Variants in ARHGEF9 observed in about 807,000 individuals in gnomAD.
The protein encoded by ARHGEF9 is rho guanine nucleotide exchange factor 9.
In ARHGEF9, 2 loss-of-function variants were observed where a neutral mutation model predicts 41.3. That is an observed-to-expected ratio of 0.05 (90% confidence interval 0.02 to 0.15). The LOEUF is 0.15. ARHGEF9 is among the 10% of genes least tolerant of loss of function. The pLI is 1.00. For missense variants in ARHGEF9, 225 were observed against 424.7 expected (o/e 0.53, Z 4.13); for synonymous variants, 160 against 154.4 (o/e 1.04, Z -0.27).
chrX:63,643,925 G>A, intron 9 of ARHGEF9, 55 bp downstream of exon 9: 1 of 1,135,163 alleles, frequency 8.8e-7, no homozygotes, highest in South Asian at 1.8e-5. Context: ...GAATATGTAA[G>A]CATATAGCTT....
intron 8 of ARHGEF9, among the ~76,000 whole-genome samples, chrX:63,644,608 T>C (rs1206097708): frequency 2.7e-5 from 3 of 110,126 alleles, no homozygotes; most frequent in Non-Finnish European, 3.8e-5. Context: ...CATCTACATA[T>C]TGACTAGTAT....
intron 2 of ARHGEF9, chrX:63,723,015 C>T (rs1189587088): frequency 1.8e-5 from 2 of 111,738 alleles, no homozygotes; most frequent in African/African-American, 3.3e-5. Context: ...ACTGTCCCAA[C>T]CAGGTAACAA....
At chrX:63,753,678 C>T (rs1295862256) in intron 1 of ARHGEF9, among the ~76,000 whole-genome samples, 1 of 110,901 alleles carries the variant, frequency 9.0e-6, no homozygotes, top group Non-Finnish European at 1.9e-5. Context: ...AATGCTTTCA[C>T]ATACTATTTC....
intron 1 of ARHGEF9, chrX:63,755,281 G>A (rs1214057652): frequency 3.3e-6 from 3 of 904,477 alleles, no homozygotes; most frequent in African/African-American, 4.1e-5. Flanking sequence ...CGTGCTAGCC[G>A]CGACCGCCAA....
chrX:63,755,330 A>C (rs2055894383), intron 1 of ARHGEF9: 6 of 710,016 alleles, frequency 8.5e-6, no homozygotes, highest in Non-Finnish European at 1.1e-5. Flanking sequence ...CGCTCTCCCC[A>C]GACCGGCGAG....
intron 1 of ARHGEF9, among the ~76,000 whole-genome samples, chrX:63,770,919 T>C (rs1556454422): frequency 8.9e-6 from 1 of 112,589 alleles, no homozygotes; most frequent in African/African-American, 3.2e-5. Context: ...CCTCTTTCTT[T>C]TGCAAATTGC....
intron 1 of ARHGEF9, among the ~76,000 whole-genome samples, chrX:63,761,420 A>T (rs1425083818): frequency 8.9e-6 from 1 of 112,125 alleles, no homozygotes; most frequent in Non-Finnish European, 1.9e-5. Context: ...CTTAGCACTC[A>T]ATAAATATAT....
intron 1 of ARHGEF9, among the ~76,000 whole-genome samples, chrX:63,783,714 G>A (rs782100882): frequency 8.9e-6 from 1 of 111,776 alleles, no homozygotes; most frequent in Non-Finnish European, 1.9e-5. Flanking sequence ...GCTAGACTCA[G>A]CTTTGCCTCC....
chrX:63,718,585 T>C (rs2053461145), intron 2 of ARHGEF9, among the ~76,000 whole-genome samples: 1 of 111,634 alleles, frequency 9.0e-6, no homozygotes, highest in South Asian at 3.8e-4. Flanking sequence ...AAATCCATGC[T>C]ATGGGTCAAC....
chrX:63,651,918 T>C (rs1371450001), intron 8 of ARHGEF9, among the ~76,000 whole-genome samples: 2 of 109,679 alleles, frequency 1.8e-5, no homozygotes, highest in Non-Finnish European at 3.8e-5. Context: ...AAAAAAAAGG[T>C]TCCAACACTT....
At chrX:63,718,655 T>C (rs2053465792) in intron 2 of ARHGEF9, among the ~76,000 whole-genome samples, 1 of 112,105 alleles carries the variant, frequency 8.9e-6, no homozygotes, top group South Asian at 3.7e-4. Flanking sequence ...CCTACTGGTG[T>C]CAACTCTTAA....
At chrX:63,728,663 A>C (rs2054115884) in intron 1 of ARHGEF9, among the ~76,000 whole-genome samples, 1 of 112,139 alleles carries the variant, frequency 8.9e-6, no homozygotes, top group African/African-American at 3.2e-5. Flanking sequence ...TGGGGGTAAT[A>C]ATGTTTGCCT....
intron 4 of ARHGEF9, among the ~76,000 whole-genome samples, chrX:63,683,941 C>T (rs2050818070): frequency 9.2e-6 from 1 of 108,756 alleles, no homozygotes; most frequent in South Asian, 3.9e-4. Context: ...AAAGCACAGG[C>T]AACAAAAGCA....
chrX:63,654,470 C>T (rs1556333422), intron 8 of ARHGEF9, among the ~76,000 whole-genome samples: 2 of 111,850 alleles, frequency 1.8e-5, no homozygotes, highest in Non-Finnish European at 3.8e-5. Flanking sequence ...TGTCCACATA[C>T]TGAAAGCAGT....
intron 4 of ARHGEF9, among the ~76,000 whole-genome samples, chrX:63,679,516 A>G (rs1556366634): frequency 8.9e-6 from 1 of 111,971 alleles, no homozygotes; most frequent in Non-Finnish European, 1.9e-5. Flanking sequence ...AAAAACAAGC[A>G]AAATAGCACA....
chrX:63,671,076 T>C (rs1424489012), intron 6 of ARHGEF9, among the ~76,000 whole-genome samples: 1 of 112,529 alleles, frequency 8.9e-6, no homozygotes, highest in Non-Finnish European at 1.9e-5. Context: ...TCTTTTTCAT[T>C]TGACAAATGA....
intron 1 of ARHGEF9, among the ~76,000 whole-genome samples, chrX:63,741,823 G>T (rs782579796): frequency 8.9e-6 from 1 of 112,609 alleles, no homozygotes; most frequent in East Asian, 2.8e-4. Flanking sequence ...ATGTTTAACT[G>T]AATGTGTGTT....
chrX:63,769,403 A>G (rs1312501458), intron 1 of ARHGEF9, among the ~76,000 whole-genome samples: 3 of 111,864 alleles, frequency 2.7e-5, no homozygotes, highest in East Asian at 5.6e-4. Context: ...AGCAAAGCAT[A>G]AAAGTTTGAA....
At chrX:63,690,351 T>C (rs1447399507) in intron 4 of ARHGEF9, among the ~76,000 whole-genome samples, 5 of 111,109 alleles carry the variant, frequency 4.5e-5, no homozygotes, top group Admixed American at 9.6e-5. Flanking sequence ...ACAGAGAATA[T>C]GAACAACTAC....
Sources: gnomAD v4.1 joint callset for allele counts (sites outside exome capture counted in the v4.1 genomes callset) on GRCh38, gnomAD v4.1.1 for gene constraint, MANE v1.5 for transcripts, NCBI Gene and HGNC (gene_info 2026-07-23, HGNC 2026-07-21) for gene names.